Variants in MEG3 observed in about 807,000 individuals in gnomAD.
MEG3 encodes the protein Very putative protein from MEG3 locus.
At chr14:100,838,883 A>G (rs1026293048) in intron 2 of MEG3, among the ~76,000 whole-genome samples, 65 of 152,212 alleles carry the variant, frequency 4.3e-4, no homozygotes, top group Non-Finnish European at 2.4e-4. Flanking sequence ...CTCACCTGCG[A>G]GTTGCTCATT....
At chr14:100,859,178 T>G (rs1330085409) in exon 1 of MEG3, 1 of 152,280 alleles carries the variant, frequency 6.6e-6, no homozygotes, top group Non-Finnish European at 1.5e-5. Flanking sequence ...TGGAAAGAGC[T>G]GAGTGGGCTG....
At chr14:100,852,152 G>A (rs552143380) in intron 3 of MEG3, 10 of 361,584 alleles carry the variant, frequency 2.8e-5, no homozygotes, top group South Asian at 8.0e-5. Flanking sequence ...CTCTGTAGAC[G>A]CTGGGTGGGA....
chr14:100,836,326 C>T (rs764021302), intron 2 of MEG3: 22 of 455,662 alleles, frequency 4.8e-5, no homozygotes, highest in Non-Finnish European at 7.1e-5. Flanking sequence ...TCTTGAGACC[C>T]AGGATTTTAT....
At chr14:100,826,850 T>C (rs2037246570) in intron 1 of MEG3, among the ~76,000 whole-genome samples, 1 of 152,134 alleles carries the variant, frequency 6.6e-6, no homozygotes, top group Admixed American at 6.5e-5. Context: ...GGTTCTGCCC[T>C]GATCAGCCAC....
rs1157657594 is a variant in MEG3 at position 100,837,153 on chromosome 14, G to C, written n.3045+853G>C. ...GTGGCTTGCACAGCAGCCAGGCGAG[G>C]TGTCGTCGAGGGCGGGGGCTCAGGG... is the stretch of plus-strand genomic sequence containing the variant. On this transcript the variant is annotated intron_variant and non_coding_transcript_variant, in intron 2 of 3. Transcript: ENST00000398461. The surrounding 1 kb of genome is among the most constrained non-coding windows in gnomAD (Gnocchi z 5.8). Among the ~76,000 whole-genome samples the C allele has an allele frequency of 2.0e-5, 3 of 152,226 alleles. No individual in the cohort carries two copies. The highest frequency in any genetic ancestry group is 2.0e-4 in the Admixed American group (3 of 15,292).
At chr14:100,841,200 G>A (rs545970528) in intron 2 of MEG3, among the ~76,000 whole-genome samples, 1 of 152,314 alleles carries the variant, frequency 6.6e-6, no homozygotes, top group Non-Finnish European at 1.5e-5. Context: ...TGACAGGAGG[G>A]GGGCACAGGT....
Position 100,845,322 on chromosome 14 carries a change from A to G in MEG3, n.3046-136A>G, listed in dbSNP as rs2037885199. On this transcript the variant is annotated intron_variant and non_coding_transcript_variant, in intron 2 of 3. Coordinates refer to the MEG3 transcript ENST00000398461. This position sits in a 1 kb window ranked among gnomAD's most constrained non-coding sequence, Gnocchi z 5.2. ...AAATGCGTGGCTTCTCCAATTCCAC[A>G]CTTGCTGGAGGTTGGGGAGTCTCTG... The G allele has an allele frequency of 2.3e-5, 8 of 354,792 alleles. 1 individual carries two copies. Among genetic ancestry groups the G allele is most frequent in the South Asian group, 1.7e-4 (8 of 48,364 alleles). 22.0% of individuals were successfully genotyped at this position (354,792 alleles called of 1,614,324 possible).
chr14:100,841,647 T>A (rs1173494405), intron 2 of MEG3, among the ~76,000 whole-genome samples: 2 of 146,760 alleles, frequency 1.4e-5, no homozygotes, highest in Admixed American at 1.4e-4. Context: ...TCGGGGGGGG[T>A]CACAGTCACC....
chr14:100,826,297 T>A (rs1454663602), intron 1 of MEG3: 1 of 152,290 alleles, frequency 6.6e-6, no homozygotes, highest in South Asian at 2.1e-4. Flanking sequence ...TCTGTCCTCC[T>A]GGACATGCCG....
chr14:100,842,714 A>C (rs531007439), intron 2 of MEG3, among the ~76,000 whole-genome samples: 4 of 152,256 alleles, frequency 2.6e-5, no homozygotes, highest in Non-Finnish European at 4.4e-5. Flanking sequence ...TACCAAAGAC[A>C]TGCCAGATCA....
intron 2 of MEG3, among the ~76,000 whole-genome samples, chr14:100,843,073 A>T (rs559887327): frequency 4.6e-5 from 7 of 152,286 alleles, no homozygotes; most frequent in African/African-American, 1.7e-4. Context: ...CAAGGCACGA[A>T]TTTGCTGGGG....
At chr14:100,840,556 G>T (rs1174790270) in intron 2 of MEG3, among the ~76,000 whole-genome samples, 3 of 152,198 alleles carry the variant, frequency 2.0e-5, no homozygotes, top group Non-Finnish European at 2.9e-5. Flanking sequence ...CGGAGTGTGT[G>T]TGTGTTCCCT....
At chr14:100,828,130 C>T (rs1166379921) in intron 1 of MEG3, among the ~76,000 whole-genome samples, 2 of 152,008 alleles carry the variant, frequency 1.3e-5, no homozygotes, top group Non-Finnish European at 2.9e-5. Context: ...CCCTTCCTAG[C>T]CTGAGACCTG....
chr14:100,840,080 G>C (rs1314757305), intron 2 of MEG3, among the ~76,000 whole-genome samples: 1 of 152,228 alleles, frequency 6.6e-6, no homozygotes, highest in African/African-American at 2.4e-5. Context: ...GGGTCACTGG[G>C]GCCGCCGTGG....
Position 100,836,341 on chromosome 14 carries a change from G to T in MEG3, n.3045+41G>T, listed in dbSNP as rs147149937. ...TCTTGAGACCCAGGATTTTATTAGGGTCAGCTCATGTCTCTCCTCTCTGAT... is the reference window on the plus strand; with the variant it reads ...TCTTGAGACCCAGGATTTTATTAGGTTCAGCTCATGTCTCTCCTCTCTGAT... On this transcript the variant is annotated intron_variant and non_coding_transcript_variant, in intron 2 of 3. Coordinates refer to the MEG3 transcript ENST00000398461. 2,036 of 451,990 alleles carry T rather than the reference G, an allele frequency of 4.5e-3. 11 individuals are homozygous for T. Among genetic ancestry groups the T allele is most frequent in the Non-Finnish European group, 7.7e-3 (1,730 of 225,966 alleles). 28.0% of individuals were successfully genotyped at this position (451,990 alleles called of 1,614,324 possible).
Position 100,837,750 on chromosome 14 carries a change from C to T in MEG3, n.3045+1450C>T, listed in dbSNP as rs973451878. ...AAACAGAGGATTTGGAGACAGCTCT[C>T]CTGCAGCCCTGCACTTCTCCCCTGA... On this transcript the variant is annotated intron_variant and non_coding_transcript_variant, in intron 2 of 3. Coordinates refer to the MEG3 transcript ENST00000398461. The surrounding 1 kb of genome is among the most constrained non-coding windows in gnomAD (Gnocchi z 5.8). Among the ~76,000 whole-genome samples, 4 of 152,086 alleles carry T rather than the reference C, an allele frequency of 2.6e-5. No individual in the cohort carries two copies. Among genetic ancestry groups the T allele is most frequent in the African/African-American group, 9.7e-5 (4 of 41,428 alleles).
intron 2 of MEG3, among the ~76,000 whole-genome samples, chr14:100,838,279 C>T (rs374288005): frequency 1.2e-4 from 19 of 152,132 alleles, no homozygotes; most frequent in Middle Eastern, 3.2e-3. Flanking sequence ...CAGCCCCTGG[C>T]TCTCAGGGGT....
At chr14:100,844,219 G>A (rs979957887) in intron 2 of MEG3, among the ~76,000 whole-genome samples, 1 of 152,076 alleles carries the variant, frequency 6.6e-6, no homozygotes, top group East Asian at 1.9e-4. Flanking sequence ...CTTTGTGGGG[G>A]TGTCCCATGG....
upstream of MEG3, chr14:100,852,509 C>A: frequency 4.0e-6 from 2 of 496,036 alleles, no homozygotes; most frequent in Non-Finnish European, 8.3e-6. Flanking sequence ...GAATCTGGGG[C>A]TCCAGGCTAT....
Sources: gnomAD v4.1 joint callset for allele counts (sites outside exome capture counted in the v4.1 genomes callset) on GRCh38, gnomAD v4.1.1 for gene constraint, Gnocchi (gnomAD v3.1) non-coding constraint, MANE v1.5 for transcripts, NCBI Gene and HGNC (gene_info 2026-07-23, HGNC 2026-07-21) for gene names.